CSMD1: variants seen among roughly 807,000 people sequenced by gnomAD.
The protein encoded by CSMD1 is CUB and Sushi multiple domains 1.
A neutral mutation model predicts 417.5 loss-of-function variants in CSMD1; 213 were observed. The ratio of observed to expected loss-of-function variants is 0.51; its 90% CI spans 0.46 to 0.57. The LOEUF (loss-of-function observed/expected upper bound fraction) is 0.57. Among genes scored for constraint, CSMD1 ranks in the 20% least tolerant of loss-of-function variants. The pLI, the probability that CSMD1 is intolerant of heterozygous loss-of-function variation, is 0.00. For synonymous variants in CSMD1, 2,862 were observed against 1,736.8 expected (o/e 1.65, Z -16.11); for missense variants, 6,923 against 4,529.7 (o/e 1.53, Z -15.17).
At chr8:3,776,947 C>T (rs1291985889) in intron 5 of CSMD1, among the ~76,000 whole-genome samples, 2 of 151,920 alleles carry the variant, frequency 1.3e-5, no homozygotes, top group Non-Finnish European at 2.9e-5. Flanking sequence ...CTCTTGATCT[C>T]AAGTGATTCT....
At chr8:3,308,196 C>T (rs1354203161) in intron 24 of CSMD1, 116 bp downstream of exon 24, 12 of 787,048 alleles carry the variant, frequency 1.5e-5, no homozygotes, top group South Asian at 1.4e-4. Flanking sequence ...ATAAAACTCA[C>T]ACTGGAAAGT....
At chr8:3,526,612 T>C (rs974621868) in intron 10 of CSMD1, among the ~76,000 whole-genome samples, 4 of 152,170 alleles carry the variant, frequency 2.6e-5, no homozygotes, top group African/African-American at 9.7e-5. Context: ...CCTACAAGTA[T>C]TAGTAAATAA....
At chr8:4,020,190 A>G (rs1796719802) in intron 4 of CSMD1, among the ~76,000 whole-genome samples, 1 of 152,166 alleles carries the variant, frequency 6.6e-6, no homozygotes, top group Admixed American at 6.5e-5. Context: ...AGGCACTTTT[A>G]TACACATAAA....
intron 37 of CSMD1, among the ~76,000 whole-genome samples, chr8:3,178,774 C>G (rs1164665135): frequency 6.6e-6 from 1 of 151,880 alleles, no homozygotes; most frequent in African/African-American, 2.4e-5. Context: ...AAATAAAAAT[C>G]TGAATTTAGA....
intron 15 of CSMD1, among the ~76,000 whole-genome samples, chr8:3,400,614 G>A (rs905479423): frequency 3.3e-5 from 5 of 151,848 alleles, no homozygotes; most frequent in Non-Finnish European, 5.9e-5. Flanking sequence ...TTGAAGTAAC[G>A]TTTGGAAATT....
intron 2 of CSMD1, among the ~76,000 whole-genome samples, chr8:4,494,123 A>C (rs2130235742): frequency 6.6e-6 from 1 of 152,340 alleles, no homozygotes; most frequent in Admixed American, 6.5e-5. Context: ...GAAGAGAGTT[A>C]GAGTAGAGAA....
chr8:3,100,242 T>C (rs1342890722), intron 46 of CSMD1, among the ~76,000 whole-genome samples: 1 of 152,144 alleles, frequency 6.6e-6, no homozygotes, highest in Non-Finnish European at 1.5e-5. Context: ...ATTTTAGAAA[T>C]GTTGTTTTGC....
In CSMD1 at chr8:3,339,846, T is replaced by G. The variant is rs116960102; in HGVS notation, c.3631+3448A>C. On this transcript the variant is annotated intron_variant, in intron 23 of 69. Coordinates refer to ENST00000635120, the MANE Select transcript of CSMD1 (RefSeq NM_033225.6). The stretch of plus-strand genomic sequence containing the variant: ...CACAGAGCTATGGGTTATGGCTCCA[T>G]TGGACATCATTATACACCAGAAGCA... 4.5e-3 allele frequency among the ~76,000 whole-genome samples: 680 copies of G among 152,304 alleles called. 3 individuals carry two copies. Among genetic ancestry groups the G allele is most frequent in the Non-Finnish European group, 7.0e-3 (476 of 68,024 alleles).
intron 5 of CSMD1, among the ~76,000 whole-genome samples, chr8:3,894,191 T>G (rs193032180): frequency 3.6e-4 from 55 of 152,306 alleles, no homozygotes; most frequent in Middle Eastern, 3.4e-3. Context: ...GTCTTTTGTT[T>G]GAATTGTTCT....
At chr8:4,048,949 T>A (rs73658547) in intron 3 of CSMD1, among the ~76,000 whole-genome samples, 5,791 of 152,242 alleles carry the variant, frequency 0.038, 350 homozygotes, top group African/African-American at 0.12. Context: ...ATTTCTACTA[T>A]AAATCTATCG....
chr8:4,189,835 G>T (rs182928295), intron 3 of CSMD1, among the ~76,000 whole-genome samples: 2 of 152,192 alleles, frequency 1.3e-5, no homozygotes, highest in South Asian at 4.2e-4. Context: ...AAAGAGCACA[G>T]CTTTTTAACA....
At chr8:3,330,648 T>G (rs1200025792) in intron 23 of CSMD1, among the ~76,000 whole-genome samples, 1 of 152,158 alleles carries the variant, frequency 6.6e-6, no homozygotes, top group Non-Finnish European at 1.5e-5. Flanking sequence ...TAATGGGTAC[T>G]AGGCTTAGTG....
chr8:4,427,510 CACAT>C (rs1585057408), intron 2 of CSMD1, among the ~76,000 whole-genome samples: 2 of 128,896 alleles, frequency 1.6e-5, no homozygotes, highest in Admixed American at 8.1e-5. Context: ...CACACACACA[CACAT>C]GCACACTCAA....
At chr8:4,051,024 C>A (rs1327185836) in intron 3 of CSMD1, among the ~76,000 whole-genome samples, 1 of 151,978 alleles carries the variant, frequency 6.6e-6, no homozygotes, top group Non-Finnish European at 1.5e-5. Flanking sequence ...AGCCAGAAAA[C>A]CCACCCCAAC....
chr8:3,407,801 T>G, intron 14 of CSMD1, 98 bp downstream of exon 14: 1 of 1,012,638 alleles, frequency 9.9e-7, no homozygotes, highest in Non-Finnish European at 1.4e-6. Flanking sequence ...ACCTCTGAAG[T>G]ATCAACCTTG....
At chr8:3,725,490 G>T (rs902870596) in intron 6 of CSMD1, among the ~76,000 whole-genome samples, 2 of 152,154 alleles carry the variant, frequency 1.3e-5, no homozygotes, top group Non-Finnish European at 2.9e-5. Flanking sequence ...TGATTTTGTG[G>T]GTGATATGAA....
intron 4 of CSMD1, among the ~76,000 whole-genome samples, chr8:4,031,002 C>T (rs111511022): frequency 4.1e-4 from 63 of 152,286 alleles, no homozygotes; most frequent in African/African-American, 1.3e-3. Context: ...CATCTCCATC[C>T]GAGACCACCT....
At chr8:3,753,553 T>G (rs1584946863) in intron 6 of CSMD1, among the ~76,000 whole-genome samples, 1 of 152,230 alleles carries the variant, frequency 6.6e-6, no homozygotes, top group Non-Finnish European at 1.5e-5. Flanking sequence ...TACAATACTT[T>G]TTGTGCATTT....
At chr8:4,425,042 C>T (rs1420805970) in intron 2 of CSMD1, among the ~76,000 whole-genome samples, 1 of 151,936 alleles carries the variant, frequency 6.6e-6, no homozygotes, top group East Asian at 1.9e-4. Context: ...TGAACAAAAA[C>T]TATTGAGGAT....
Sources: allele counts gnomAD v4.1 joint callset (sites outside exome capture counted in the v4.1 genomes callset), GRCh38; gene constraint gnomAD v4.1.1; transcripts MANE v1.5; gene names NCBI Gene and HGNC (gene_info 2026-07-23, HGNC 2026-07-21).